The following MCMBP variants were observed in gnomAD, a reference collection of about 807,000 sequenced individuals.
MCMBP encodes mini-chromosome maintenance complex-binding protein.
Under a neutral mutation model 81.3 loss-of-function variants are expected in MCMBP, and 31 were observed. That is an observed-to-expected ratio of 0.38 (90% CI 0.29 to 0.51). The LOEUF is 0.51. Among genes scored for constraint, MCMBP ranks in the 20% least tolerant of loss-of-function variants. The pLI is 0.87. For missense variants in MCMBP, 645 were observed against 772.1 expected (o/e 0.84, Z 1.95); for synonymous variants, 267 against 275.9 (o/e 0.97, Z 0.32).
Position 119,854,038 on chromosome 10 carries a change from T to C in MCMBP, c.430-844A>G, listed in dbSNP as rs1473764952. Reference sequence around the variant, plus strand: ...ACACAGTGAGAACTCATCTCTTTTTTCCTTTTCTTTTTTTTTTTTTTTGAG... The same window carrying C: ...ACACAGTGAGAACTCATCTCTTTTTCCCTTTTCTTTTTTTTTTTTTTTGAG... On this transcript the variant is annotated intron_variant, in intron 5 of 15. Transcript: ENST00000369077. Among the ~76,000 whole-genome samples, 5 of 148,172 alleles carry C rather than the reference T, an allele frequency of 3.4e-5. No homozygotes were observed. The South Asian group carries it at 6.6e-4, about 20-fold the overall frequency.
intron 1 of MCMBP, among the ~76,000 whole-genome samples, chr10:119,871,445 T>C (rs1032408181): frequency 6.6e-6 from 1 of 152,174 alleles, no homozygotes; most frequent in Non-Finnish European, 1.5e-5. Flanking sequence ...TTTTCTAATA[T>C]AATGCCATTA....
At chr10:119,852,535 A>G (rs973961227) in intron 6 of MCMBP, among the ~76,000 whole-genome samples, 3 of 152,162 alleles carry the variant, frequency 2.0e-5, no homozygotes, top group African/African-American at 7.2e-5. Context: ...AGTTAGCTGC[A>G]TGTGGTGGCA....
chr10:119,843,494 T>A, intron 8 of MCMBP, 68 bp from the exon 9 acceptor site: 1 of 1,488,792 alleles, frequency 6.7e-7, no homozygotes, highest in Non-Finnish European at 9.1e-7. Context: ...ATAATGTGCA[T>A]CTTGGAAAAC....
intron 14 of MCMBP, among the ~76,000 whole-genome samples, chr10:119,835,134 T>C (rs769248643): frequency 1.4e-4 from 21 of 152,296 alleles, no homozygotes; most frequent in East Asian, 1.9e-4. Flanking sequence ...TGAGAGGTAA[T>C]TGTATGACAG....
chr10:119,846,779 C>G (rs1201703519), intron 8 of MCMBP, among the ~76,000 whole-genome samples: 1 of 152,140 alleles, frequency 6.6e-6, no homozygotes, highest in Non-Finnish European at 1.5e-5. Flanking sequence ...GCTGTCTGCT[C>G]TCTACCACGT....
Position 119,832,017 on chromosome 10 carries a change from C to T in MCMBP, c.1791G>A (p.Val597=), listed in dbSNP as rs768914601. 21 of 1,609,432 alleles carry T rather than the reference C, an allele frequency of 1.3e-5. No homozygotes were observed. The highest frequency in any genetic ancestry group is 6.8e-5 in the Admixed American group (4 of 58,634). ...AATGGACGTGCGCCACTTACCGAGC[C>T]ACCACGAGCAGCTGGTGAAGATCAT... is the stretch of plus-strand genomic sequence containing the variant. ...TADDLHQLLV[V]ARCLSLSAGQ... Residue 597 remains valine (V), a synonymous_variant, in exon 15 of 16, where the codon GTG becomes GTA. Transcript: ENST00000369077.
intron 1 of MCMBP, among the ~76,000 whole-genome samples, chr10:119,869,234 G>A (rs1416020745): frequency 6.6e-6 from 1 of 151,928 alleles, no homozygotes; most frequent in Non-Finnish European, 1.5e-5. Flanking sequence ...TCACCTGTTC[G>A]AGACCAGCCT....
chr10:119,849,637 A>G, intron 6 of MCMBP, 61 bp from the exon 7 acceptor site: 2 of 1,450,406 alleles, frequency 1.4e-6, no homozygotes, highest in Non-Finnish European at 1.8e-6. Flanking sequence ...GAAAAAGAAC[A>G]TTCCATAAGT....
chr10:119,840,783 CAGTT>C (rs1214891942), intron 11 of MCMBP, 56 bp downstream of exon 11: 24 of 940,432 alleles, frequency 2.6e-5, no homozygotes, highest in African/African-American at 6.9e-5. Flanking sequence ...GAATGAAAGA[CAGTT>C]AGATGGATTT....
intron 1 of MCMBP, among the ~76,000 whole-genome samples, chr10:119,871,759 T>C (rs2134418951): frequency 6.6e-6 from 1 of 152,290 alleles, no homozygotes; most frequent in South Asian, 2.1e-4. Context: ...AAAAAGACAC[T>C]GGGGAATGGA....
At chr10:119,869,592 G>A (rs993832416) in intron 1 of MCMBP, among the ~76,000 whole-genome samples, 2 of 151,288 alleles carry the variant, frequency 1.3e-5, no homozygotes, top group Non-Finnish European at 2.9e-5. Context: ...AAATTAGCTG[G>A]GCATGGTGGC....
chr10:119,842,901 A>T, intron 9 of MCMBP: 1 of 371,270 alleles, frequency 2.7e-6, no homozygotes, highest in East Asian at 6.6e-5. Context: ...TTACAGGCAC[A>T]CGCCACCACA....
chr10:119,863,558 G>A lies in MCMBP; in HGVS notation c.59-3674C>T, dbSNP rs186279238. On this transcript the variant is annotated intron_variant, in intron 1 of 15. Coordinates refer to ENST00000369077, the MANE Select transcript of MCMBP (RefSeq NM_001256378.2). ...AGCCTGGCCAACATGGCAAACCCCC[G>A]TCTCTACTAAAAATACAAAAATTAG... is the stretch of plus-strand genomic sequence containing the variant. Among the ~76,000 whole-genome samples, 904 of 151,660 alleles carry A rather than the reference G, an allele frequency of 6.0e-3. 4 individuals carry two copies. The highest frequency in any genetic ancestry group is 8.9e-3 in the Non-Finnish European group (601 of 67,844).
At chr10:119,831,700 G>C in intron 15 of MCMBP, 100 bp from the exon 16 acceptor site, 1 of 1,358,942 alleles carries the variant, frequency 7.4e-7, no homozygotes, top group South Asian at 1.4e-5. Context: ...CACAGAGCAC[G>C]TTAGGAGACA....
chr10:119,852,447 GA>G (rs1852868162), intron 6 of MCMBP, among the ~76,000 whole-genome samples: 1 of 152,200 alleles, frequency 6.6e-6, no homozygotes, highest in Non-Finnish European at 1.5e-5. Flanking sequence ...GGCTGATATA[GA>G]AGGATCACCT....
At chr10:119,867,315 A>AGT (rs1268983542) in intron 1 of MCMBP, among the ~76,000 whole-genome samples, 4 of 151,388 alleles carry the variant, frequency 2.6e-5, no homozygotes, top group African/African-American at 9.7e-5. Context: ...AAAAAAAAAA[A>AGT]AAAAAAGTGG....
chr10:119,838,744 T>G, intron 11 of MCMBP, 44 bp from the exon 12 acceptor site: 1 of 1,529,864 alleles, frequency 6.5e-7, no homozygotes, highest in Non-Finnish European at 8.9e-7. Context: ...TAAGTTTCCC[T>G]GTTTTAAGAA....
intron 7 of MCMBP, among the ~76,000 whole-genome samples, 161 bp downstream of exon 7, chr10:119,849,264 A>C (rs998293153): frequency 1.3e-5 from 2 of 152,220 alleles, no homozygotes; most frequent in Non-Finnish European, 2.9e-5. Flanking sequence ...TCTGACCTAA[A>C]GCCTGTAAGA....
chr10:119,854,909 G>C (rs1852969980), intron 5 of MCMBP, among the ~76,000 whole-genome samples: 1 of 148,536 alleles, frequency 6.7e-6, no homozygotes, highest in South Asian at 2.1e-4. Flanking sequence ...AGCCGAAATT[G>C]CACCACTGCA....
Sources: gnomAD v4.1 joint callset for allele counts (sites outside exome capture counted in the v4.1 genomes callset) on GRCh38, gnomAD v4.1.1 for gene constraint, MANE v1.5 for transcripts, NCBI Gene and HGNC (gene_info 2026-07-23, HGNC 2026-07-21) for gene names.